Variants in C11orf65 observed in about 807,000 individuals in gnomAD.
The protein encoded by C11orf65 is protein MFI.
A neutral mutation model predicts 35.3 loss-of-function variants in C11orf65; 38 were observed. The observed-to-expected ratio is 1.08, with a 90% CI of 0.83 to 1.41. The LOEUF (loss-of-function observed/expected upper bound fraction) is 1.41, where lower values mean the gene tolerates loss of function less well. C11orf65 is among the 40% of genes most tolerant of loss of function. The pLI is 0.00. For synonymous variants in C11orf65, 105 were observed against 114.4 expected, an observed-to-expected ratio of 0.92 and a Z score of 0.53; for missense variants, 370 against 367.1, an observed-to-expected ratio of 1.01 and a Z score of -0.06.
At chr11:108,344,777 G>A (rs1403577926) in intron 2 of C11orf65, among the ~76,000 whole-genome samples, 1 of 152,164 alleles carries the variant, frequency 6.6e-6, no homozygotes, top group African/African-American at 2.4e-5. Context: ...ACCAAGGCAG[G>A]AGGATTGCTT....
chr11:108,350,462 G>A (rs2089053944), intron 2 of C11orf65, among the ~76,000 whole-genome samples: 1 of 152,202 alleles, frequency 6.6e-6, no homozygotes, highest in African/African-American at 2.4e-5. Context: ...CTAAGAAGCA[G>A]TTTTAGCAGA....
intron 2 of C11orf65, among the ~76,000 whole-genome samples, chr11:108,443,396 GTCAACATGAGACAGA>G (rs1324384152): frequency 3.3e-5 from 5 of 152,120 alleles, no homozygotes; most frequent in African/African-American, 9.7e-5. Context: ...ACACCCCACT[GTCAACATGAGACAGA>G]TCAACGAAAC....
intron 6 of C11orf65, among the ~76,000 whole-genome samples, chr11:108,320,942 GAA>G (rs1022014140): frequency 1.3e-5 from 2 of 152,130 alleles, no homozygotes; most frequent in African/African-American, 4.8e-5. Context: ...AAATGTTATT[GAA>G]AATTATAAGG....
chr11:108,327,655 G>A (rs2085810826), downstream of C11orf65: 1 of 1,613,676 alleles, frequency 6.2e-7, no homozygotes, highest in Non-Finnish European at 8.5e-7. Context: ...AACAATCCCA[G>A]CCTAAAACTT....
At chr11:108,365,056 T>C (rs994201970) in intron 2 of C11orf65, 10 of 1,612,136 alleles carry the variant, frequency 6.2e-6, no homozygotes, top group Non-Finnish European at 8.5e-6. Flanking sequence ...CATTGTTCTT[T>C]TAATACATAT....
intron 2 of C11orf65, chr11:108,354,024 T>G: frequency 1.4e-6 from 1 of 709,164 alleles, no homozygotes; most frequent in East Asian, 2.8e-5. Flanking sequence ...GAGTCCAGCC[T>G]AGGCAATACA....
At chr11:108,319,030 A>G (rs1446075584) in intron 6 of C11orf65, among the ~76,000 whole-genome samples, 2 of 152,052 alleles carry the variant, frequency 1.3e-5, no homozygotes, top group Non-Finnish European at 2.9e-5. Flanking sequence ...TACAAAAGTT[A>G]GCTGGGCAAG....
intron 2 of C11orf65, among the ~76,000 whole-genome samples, chr11:108,370,893 TG>T (rs2091553763): frequency 6.6e-6 from 1 of 152,222 alleles, no homozygotes; most frequent in Admixed American, 6.5e-5. Context: ...TGTTTCCAAG[TG>T]GGATTTCCTT....
At chr11:108,361,786 C>G (rs149854825) in intron 2 of C11orf65, among the ~76,000 whole-genome samples, 7,096 of 152,190 alleles carry the variant, frequency 0.047, 226 homozygotes, top group Non-Finnish European at 0.071. Context: ...ACACCTGATA[C>G]AAAAATTAAC....
chr11:108,363,616 A>G (rs554404440), intron 2 of C11orf65, among the ~76,000 whole-genome samples: 106 of 152,256 alleles, frequency 7.0e-4, no homozygotes, highest in African/African-American at 2.5e-3. Context: ...CAGAATGTAC[A>G]AGTTAGCCCC....
At chr11:108,332,169 T>C (rs2086330365) in intron 3 of C11orf65, 4 of 1,177,742 alleles carry the variant, frequency 3.4e-6, no homozygotes, top group African/African-American at 1.5e-5. Context: ...GGCTCACGCC[T>C]GTAATCCCAG....
intron 2 of C11orf65, among the ~76,000 whole-genome samples, chr11:108,347,693 A>G (rs893832448): frequency 1.3e-5 from 2 of 152,136 alleles, no homozygotes; most frequent in Non-Finnish European, 2.9e-5. Flanking sequence ...AAGATGTAGC[A>G]TGTTGTGGGA....
chr11:108,331,252 C>A, downstream of C11orf65: 1 of 1,304,078 alleles, frequency 7.7e-7, no homozygotes, highest in Non-Finnish European at 9.8e-7. Flanking sequence ...TTTACCAATG[C>A]ATTAATCTAG....
At chr11:108,422,998 T>C (rs2092842396) in intron 3 of C11orf65, among the ~76,000 whole-genome samples, 1 of 152,166 alleles carries the variant, frequency 6.6e-6, no homozygotes, top group South Asian at 2.1e-4. Flanking sequence ...ATGAGAATAT[T>C]TTTATAACCT....
intron 6 of C11orf65, among the ~76,000 whole-genome samples, chr11:108,318,810 G>T (rs1279200657): frequency 6.6e-6 from 1 of 152,082 alleles, no homozygotes; most frequent in Non-Finnish European, 1.5e-5. Context: ...TCATATTTAT[G>T]TAAAGTTTTT....
intron 2 of C11orf65, among the ~76,000 whole-genome samples, chr11:108,432,707 C>T (rs1269763909): frequency 1.3e-5 from 2 of 152,162 alleles, no homozygotes; most frequent in Admixed American, 6.5e-5. Flanking sequence ...TAAAGCCCCA[C>T]TACAATTGCC....
chr11:108,378,692 G>A (rs1169099998), downstream of C11orf65, among the ~76,000 whole-genome samples: 1 of 137,250 alleles, frequency 7.3e-6, no homozygotes, highest in Non-Finnish European at 1.5e-5. Flanking sequence ...GAGTGAACAG[G>A]CAACCTACAA....
chr11:108,372,174 T>TATTCATTC (rs57080338), intron 2 of C11orf65, among the ~76,000 whole-genome samples: 2,036 of 151,400 alleles, frequency 0.013, 38 homozygotes, highest in African/African-American at 0.037. Flanking sequence ...CACTAAATTT[T>TATTCATTC]ATTCATTCAT....
intron 1 of C11orf65, among the ~76,000 whole-genome samples, chr11:108,464,320 C>T (rs1303107170): frequency 4.0e-5 from 6 of 149,216 alleles, no homozygotes; most frequent in Non-Finnish European, 8.9e-5. Flanking sequence ...TTTTCTGAGA[C>T]GGAGTCTCGC....
Sources: allele counts gnomAD v4.1 joint callset (sites outside exome capture counted in the v4.1 genomes callset), GRCh38; gene constraint gnomAD v4.1.1; transcripts MANE v1.5; gene names NCBI Gene and HGNC (gene_info 2026-07-23, HGNC 2026-07-21).